Variants in PIGT observed in about 807,000 individuals in gnomAD.
PIGT encodes the protein GPI-anchor transamidase component PIGT.
A neutral mutation model predicts 66.7 loss-of-function variants in PIGT; 57 were observed. The ratio of observed to expected loss-of-function variants is 0.86; its 90% CI spans 0.69 to 1.07. The LOEUF (loss-of-function observed/expected upper bound fraction) is 1.07. PIGT is among the 50% of genes least tolerant of loss of function. The probability of loss-of-function intolerance (pLI) is 0.00; values close to 1 mark genes in which losing one functional copy is unlikely to be tolerated. For missense variants in PIGT, 725 were observed against 740.4 expected (o/e 0.98, Z 0.24); for synonymous variants, 362 against 320.5 (o/e 1.13, Z -1.38).
chr20:45,420,465 G>T (rs778789203), intron 7 of PIGT, 36 bp downstream of exon 7: 2 of 1,609,754 alleles, frequency 1.2e-6, no homozygotes. Context: ...CAAACACACC[G>T]CTGGTCCCCA....
At position 45,421,494 on chromosome 20, in the gene PIGT, C is replaced by T. The variant is rs769570009; in HGVS notation, c.1145C>T (p.Pro382Leu). 86 of 1,614,044 alleles carry T rather than the reference C, an allele frequency of 5.3e-5. No homozygotes were observed. Among genetic ancestry groups the T allele is most frequent in the East Asian group, 2.7e-4 (12 of 44,894 alleles). The change falls in exon 9 of 12, where the codon CCG becomes CTG. Residue 382 changes from proline (P) to leucine (L), a missense_variant. Pro to Leu is a moderately conservative substitution (Grantham distance 98, BLOSUM62 -3). Around this residue, in one of 3 missense-constraint regions of PIGT, gnomAD observed 559 missense variants for 552.7 expected, o/e 1.01. Transcript: ENST00000279036. ...AACACCCACCCATACCGGGCCTTCC[C>T]GGTGCTGCTGCTGGACACCGTACCC... ...LYNTHPYRAF[P>L]VLLLDTVPWY...
intron 8 of PIGT, 100 bp downstream of exon 8, chr20:45,420,793 C>T: frequency 8.2e-7 from 1 of 1,220,942 alleles, no homozygotes; most frequent in Non-Finnish European, 1.2e-6. Flanking sequence ...TGTATTTAGA[C>T]CAGATTTCCA....
rs543550769 is a variant in PIGT, at chr20:45,419,448, G to A, written c.594+53G>A. The A allele has an allele frequency of 8.3e-5, 134 of 1,606,544 alleles. 1 individual carries two copies. The highest frequency in any genetic ancestry group is 1.0e-4 in the Admixed American group (6 of 60,006). Reference sequence around the variant, plus strand: ...GGCGGGGGGTGTATAGAGAACCTGCGCCCCATGCCAAGTGCTCCATACAGG... The same window carrying A: ...GGCGGGGGGTGTATAGAGAACCTGCACCCCATGCCAAGTGCTCCATACAGG... On this transcript the variant is annotated intron_variant, in intron 4 of 11. Transcript: ENST00000279036.
chr20:45,416,965 C>A, intron 2 of PIGT: 1 of 331,832 alleles, frequency 3.0e-6, no homozygotes, highest in Non-Finnish European at 5.5e-6. Context: ...AGAAAACTGG[C>A]AACTGGATAA....
intron 10 of PIGT, 24 bp downstream of exon 10, chr20:45,424,405 C>T (rs773600328): frequency 1.9e-6 from 3 of 1,613,894 alleles, no homozygotes; most frequent in Admixed American, 3.3e-5. Context: ...CCACAGGCCA[C>T]CTCTCATCCC....
At chr20:45,423,055 A>ATTTTTTTTTTTTTTTTTT in intron 9 of PIGT, 1 of 78,936 alleles carries the variant, frequency 1.3e-5, no homozygotes, top group Non-Finnish European at 2.2e-5. Flanking sequence ...TACAAAAAAA[A>ATTTTTTTTTTTTTTTTTT]TTTTTTTTTT....
At chr20:45,422,809 A>G (rs1990451454) in intron 9 of PIGT, 1 of 152,204 alleles carries the variant, frequency 6.6e-6, no homozygotes, top group Non-Finnish European at 1.5e-5. Flanking sequence ...TAACCGTATC[A>G]TTACCACTTC....
Position 45,426,084 on chromosome 20 carries a change from G to C in PIGT, c.*258G>C. ...AGGTGCTCAATAAGCAAAAGTGGTC[G>C]GTGGCTGCTGTATTGGACAGCACAG... On this transcript the variant is annotated 3_prime_UTR_variant, in exon 12 of 12. Transcript: ENST00000279036. The C allele has an allele frequency of 1.8e-6, 1 of 551,704 alleles. No individual in the cohort carries two copies. The allele number at this position is 551,704 out of a possible 1,614,324, so 34.2% of individuals were successfully genotyped here.
Position 45,420,700 on chromosome 20 carries a change from G to A in PIGT, c.1033+7G>A, listed in dbSNP as rs771212724. 1 of 1,613,784 alleles carries A rather than the reference G, an allele frequency of 6.2e-7. No homozygotes were observed. The highest frequency in any genetic ancestry group is 1.3e-5 in the African/African-American group (1 of 74,848). On this transcript the variant is annotated splice_region_variant and intron_variant, in intron 8 of 11. Coordinates refer to ENST00000279036, the MANE Select transcript of PIGT (RefSeq NM_015937.6). Reference sequence around the variant, plus strand: ...AAGAGACCCCCAGAGAATGGTGAGTGGGTGGTTGGTTGGACTGCTGGGTTG... The same window carrying A: ...AAGAGACCCCCAGAGAATGGTGAGTAGGTGGTTGGTTGGACTGCTGGGTTG...
At chr20:45,422,095 C>T (rs968293048) in intron 9 of PIGT, 2 of 151,382 alleles carry the variant, frequency 1.3e-5, no homozygotes, top group Non-Finnish European at 2.9e-5. Flanking sequence ...TTAGTGCTTC[C>T]TATTAGGTGC....
At position 45,418,411 on chromosome 20, in the gene PIGT, C is replaced by T. The variant is rs147017327; in HGVS notation, c.366-441C>T. On this transcript the variant is annotated intron_variant, in intron 2 of 11. Coordinates refer to ENST00000279036, the MANE Select transcript of PIGT (RefSeq NM_015937.6). ...AGTTAGGGAGAAAAGGTGGTCAGGACACGATGCTGCTGCCACCTAGCCATC... is the reference window on the plus strand; with the variant it reads ...AGTTAGGGAGAAAAGGTGGTCAGGATACGATGCTGCTGCCACCTAGCCATC... The T allele has an allele frequency of 2.9e-3, 691 of 237,360 alleles. 5 individuals carry two copies. The highest frequency in any genetic ancestry group is 0.015 in the African/African-American group (657 of 43,202). 14.7% of individuals were successfully genotyped at this position (237,360 alleles called of 1,614,324 possible).
At chr20:45,422,719 C>A (rs1018574080) in intron 9 of PIGT, 2 of 152,182 alleles carry the variant, frequency 1.3e-5, no homozygotes, top group African/African-American at 4.8e-5. Flanking sequence ...GTGTAAGCCG[C>A]TGCCTGCTGG....
At chr20:45,419,805 C>T (rs1990233037) in intron 5 of PIGT, 3 of 603,254 alleles carry the variant, frequency 5.0e-6, no homozygotes, top group Non-Finnish European at 3.0e-6. Context: ...AGAACAATAG[C>T]TATGCGGGTG....
At chr20:45,421,229 G>T in intron 8 of PIGT, 154 bp from the exon 9 acceptor site, 1 of 630,770 alleles carries the variant, frequency 1.6e-6, no homozygotes, top group Non-Finnish European at 2.7e-6. Flanking sequence ...GGGGAAGACA[G>T]GGATGATTCC....
At chr20:45,420,752 A>G (rs1320734000) in intron 8 of PIGT, 59 bp downstream of exon 8, 1 of 1,543,822 alleles carries the variant, frequency 6.5e-7, no homozygotes, top group South Asian at 1.1e-5. Context: ...AAGACTCACA[A>G]TCCCACGTCT....
At chr20:45,417,396 A>G (rs1052884104) in intron 2 of PIGT, 5 of 152,214 alleles carry the variant, frequency 3.3e-5, no homozygotes, top group Non-Finnish European at 7.3e-5. Flanking sequence ...CAGGCTAGAG[A>G]GTTTGTGTGA....
At chr20:45,422,940 T>C (rs1433703039) in intron 9 of PIGT, 1 of 151,928 alleles carries the variant, frequency 6.6e-6, no homozygotes, top group Non-Finnish European at 1.5e-5. Context: ...GGCACAGTGG[T>C]GCACACCTGT....
intron 8 of PIGT, chr20:45,421,036 A>G (rs929237224): frequency 7.9e-6 from 4 of 507,422 alleles, no homozygotes; most frequent in Non-Finnish European, 1.4e-5. Flanking sequence ...ACTGCACTCA[A>G]GAAATATAAG....
In PIGT at chr20:45,421,274, GT is replaced by G. The variant is rs1006792363; in HGVS notation, c.1034-107del. 6.5e-6 allele frequency: 5 copies of G among 771,492 alleles called. No individual in the cohort carries two copies. In the African/African-American group the frequency reaches 9.3e-5, roughly 14 times the overall value. The allele number at this position is 771,492 out of a possible 1,614,324, so 47.8% of individuals were successfully genotyped here. A position where few individuals can be genotyped will look rare whatever the true frequency, so the allele number is the denominator to read the frequency against. ...ATTGCCCAGTTTCAGTGGCAGGGCTGTTCCCCATCTACTCACTGGCTTGGGA... is the reference window on the plus strand; with the variant it reads ...ATTGCCCAGTTTCAGTGGCAGGGCTGTCCCCATCTACTCACTGGCTTGGGA... On this transcript the variant is annotated intron_variant, in intron 8 of 11. Coordinates refer to ENST00000279036, the MANE Select transcript of PIGT (RefSeq NM_015937.6).
Sources: allele counts gnomAD v4.1 joint callset, GRCh38; gene constraint gnomAD v4.1.1; regional missense constraint gnomAD v4.1.1; transcripts MANE v1.5; gene names NCBI Gene and HGNC (gene_info 2026-07-23, HGNC 2026-07-21).